Variants in IGF2BP3 observed in about 807,000 individuals in gnomAD.
The protein encoded by IGF2BP3 is insulin-like growth factor 2 mRNA-binding protein 3.
IGF2BP3 carries 9 observed loss-of-function variants against 73.8 expected under a neutral mutation model. The observed-to-expected ratio is 0.12, with a 90% CI of 0.07 to 0.21. The LOEUF is 0.21. IGF2BP3 is among the 10% of genes least tolerant of loss of function. The pLI is 1.00. For synonymous variants in IGF2BP3, 258 were observed against 256.7 expected, an observed-to-expected ratio of 1.01 and a Z score of -0.05; for missense variants, 542 against 714.0, an observed-to-expected ratio of 0.76 and a Z score of 2.75.
chr7:23,422,229 A>T (rs1194051083), intron 2 of IGF2BP3, among the ~76,000 whole-genome samples: 1 of 152,180 alleles, frequency 6.6e-6, no homozygotes, highest in African/African-American at 2.4e-5. Flanking sequence ...ATACATAGAG[A>T]GTTCAGGTTA....
At chr7:23,436,889 G>T (rs1345998863) in intron 2 of IGF2BP3, among the ~76,000 whole-genome samples, 1 of 152,214 alleles carries the variant, frequency 6.6e-6, no homozygotes, top group Admixed American at 6.5e-5. Context: ...GCCAAGGCGG[G>T]TGGATTACCT....
chr7:23,431,799 G>A (rs547253879), intron 2 of IGF2BP3, among the ~76,000 whole-genome samples: 1 of 152,166 alleles, frequency 6.6e-6, no homozygotes, highest in African/African-American at 2.4e-5. Context: ...TGGGGGTGGG[G>A]CAGGGGAACT....
At position 23,351,306 on chromosome 7, in the gene IGF2BP3, T is replaced by C; in HGVS notation, c.682A>G (p.Lys228Glu). ...IRNITKQTQSKIDVHRKENAG... is the reference protein window; with the variant it reads ...IRNITKQTQSEIDVHRKENAG... ...CCACCACACACTCAGCATACTCACT[T>C]AGACTGGGTCTGTTTGGTGATGTTC... is the stretch of plus-strand genomic sequence containing the variant. Residue 228 changes from lysine to glutamate, a missense_variant and splice_region_variant, in exon 6 of 15, where the codon AAA becomes GAA. Lys to Glu is a moderately conservative substitution (Grantham distance 56). Around this residue, in one of 2 missense-constraint regions of IGF2BP3, gnomAD observed 303 missense variants for 472.1 expected, o/e 0.64. Coordinates refer to ENST00000258729, the MANE Select transcript of IGF2BP3 (RefSeq NM_006547.3). 1 of 1,613,782 alleles carries C rather than the reference T, an allele frequency of 6.2e-7. No individual in the cohort carries two copies. Among genetic ancestry groups the C allele is most frequent in the Non-Finnish European group, 8.5e-7 (1 of 1,179,802 alleles).
In IGF2BP3 at chr7:23,353,273, T is replaced by C. The variant is rs116325754; in HGVS notation, c.402-1687A>G. 6.7e-3 allele frequency among the ~76,000 whole-genome samples: 1,022 copies of C among 152,002 alleles called. 11 individuals are homozygous for C. Among genetic ancestry groups the C allele is most frequent in the African/African-American group, 0.023 (968 of 41,428 alleles). ...TGCAAATCTACTCTCAATTCTTAAA[T>C]AGAAAAAAGGGGGTGGAGTGGGTGA... is the stretch of plus-strand genomic sequence containing the variant. On this transcript the variant is annotated intron_variant, in intron 5 of 14. Transcript: ENST00000258729.
chr7:23,356,791 T>C (rs1394900046), intron 5 of IGF2BP3, among the ~76,000 whole-genome samples: 1 of 152,090 alleles, frequency 6.6e-6, no homozygotes, highest in African/African-American at 2.4e-5. Context: ...CGTAATGCAA[T>C]AAATATGGAT....
chr7:23,371,691 T>C (rs896569049), intron 3 of IGF2BP3, among the ~76,000 whole-genome samples: 5 of 152,164 alleles, frequency 3.3e-5, no homozygotes, highest in African/African-American at 1.2e-4. Context: ...CCCTTTATCA[T>C]CGAAAAGCCC....
intron 3 of IGF2BP3, among the ~76,000 whole-genome samples, chr7:23,408,714 A>G (rs889103937): frequency 3.3e-5 from 5 of 152,216 alleles, no homozygotes; most frequent in African/African-American, 1.2e-4. Flanking sequence ...TACATACCCA[A>G]AAGAATTGAA....
At position 23,361,527 on chromosome 7, in the gene IGF2BP3, T is replaced by C. The variant is rs1785229035; in HGVS notation, c.401+7A>G. On this transcript the variant is annotated splice_region_variant and intron_variant, in intron 5 of 14. Transcript: ENST00000258729. The stretch of plus-strand genomic sequence containing the variant: ...TATATATAGATTAAAAGCTTCAAGC[T>C]GCTTACTGTCTAGCTTGGTCCTTAC... The C allele has an allele frequency of 1.2e-6, 2 of 1,608,706 alleles. No homozygotes were observed. The highest frequency in any genetic ancestry group is 2.2e-5 in the South Asian group (2 of 90,842).
intron 10 of IGF2BP3, among the ~76,000 whole-genome samples, chr7:23,321,723 T>A (rs1324996924): frequency 1.3e-5 from 2 of 152,190 alleles, no homozygotes; most frequent in Non-Finnish European, 2.9e-5. Context: ...CAGCTAGAGC[T>A]CTGAGAACGG....
chr7:23,366,023 CAA>C (rs1320211392), intron 3 of IGF2BP3: 1 of 152,094 alleles, frequency 6.6e-6, no homozygotes, highest in African/African-American at 2.4e-5. Flanking sequence ...CACACACACA[CAA>C]GTAGAAATAT....
chr7:23,470,342 C>T lies in IGF2BP3; in HGVS notation c.-232G>A. 1 of 337,320 alleles carries T rather than the reference C, an allele frequency of 3.0e-6. No homozygotes were observed. The highest frequency in any genetic ancestry group is 6.9e-5 in the South Asian group (1 of 14,460). 20.9% of individuals were successfully genotyped at this position (337,320 alleles called of 1,614,324 possible). ...AGAAAGAAAAGAAAAAGCCTAGCTA[C>T]AACCCAAACGCATCCACCAGTCTTC... On this transcript the variant is annotated 5_prime_UTR_variant, in exon 1 of 15. Transcript: ENST00000258729.
intron 2 of IGF2BP3, among the ~76,000 whole-genome samples, chr7:23,454,744 T>C (rs955090581): frequency 6.6e-6 from 1 of 152,220 alleles, no homozygotes; most frequent in Non-Finnish European, 1.5e-5. Context: ...GCTGTACTGC[T>C]GTCCCCAACT....
At chr7:23,421,275 G>T (rs1482963396) in intron 2 of IGF2BP3, among the ~76,000 whole-genome samples, 1 of 152,126 alleles carries the variant, frequency 6.6e-6, no homozygotes, top group Non-Finnish European at 1.5e-5. Context: ...CTCCCAGAGT[G>T]CTGGGATTAC....
At chr7:23,443,307 T>C (rs1465479099) in intron 2 of IGF2BP3, among the ~76,000 whole-genome samples, 1 of 151,980 alleles carries the variant, frequency 6.6e-6, no homozygotes, top group Non-Finnish European at 1.5e-5. Context: ...GTATTTTTAG[T>C]AGAGACAGGG....
intron 5 of IGF2BP3, among the ~76,000 whole-genome samples, chr7:23,352,311 C>T (rs112477626): frequency 1.9e-5 from 2 of 106,454 alleles, no homozygotes; most frequent in East Asian, 3.1e-4. Flanking sequence ...TTTTTGGAGA[C>T]AGAGTCTTGC....
At chr7:23,371,306 A>G (rs1785535381) in intron 3 of IGF2BP3, among the ~76,000 whole-genome samples, 1 of 152,034 alleles carries the variant, frequency 6.6e-6, no homozygotes, top group African/African-American at 2.4e-5. Flanking sequence ...CGCTAGGGAT[A>G]TGGAGATGAA....
intron 3 of IGF2BP3, among the ~76,000 whole-genome samples, chr7:23,379,467 T>C (rs1364589916): frequency 6.6e-6 from 1 of 152,212 alleles, no homozygotes; most frequent in Non-Finnish European, 1.5e-5. Flanking sequence ...CCAATTTGGA[T>C]AGCACCTATT....
intron 10 of IGF2BP3, among the ~76,000 whole-genome samples, chr7:23,330,024 G>A (rs1419096321): frequency 6.6e-6 from 1 of 152,064 alleles, no homozygotes; most frequent in African/African-American, 2.4e-5. Context: ...GGTGGCTCAC[G>A]CCTGTAATCC....
intron 3 of IGF2BP3, among the ~76,000 whole-genome samples, chr7:23,412,815 G>A (rs1173103320): frequency 7.5e-6 from 1 of 134,190 alleles, no homozygotes; most frequent in South Asian, 2.7e-4. Context: ...AGGAGAAACT[G>A]AGAAATCCTT....
Sources: allele counts gnomAD v4.1 joint callset (sites outside exome capture counted in the v4.1 genomes callset), GRCh38; gene constraint gnomAD v4.1.1; regional missense constraint gnomAD v4.1.1; transcripts MANE v1.5; gene names NCBI Gene and HGNC (gene_info 2026-07-23, HGNC 2026-07-21).